Variants in FBXO16 observed in about 807,000 individuals in gnomAD.
FBXO16 encodes F-box only protein 16.
In FBXO16, 31 loss-of-function variants were observed where a neutral mutation model predicts 41.0. That is an observed-to-expected ratio of 0.76 (90% CI 0.57 to 1.02). The LOEUF (loss-of-function observed/expected upper bound fraction) is 1.02. Ranked by LOEUF, FBXO16 falls within the 50% of genes least tolerant of loss-of-function variation. The pLI, the probability that FBXO16 is intolerant of heterozygous loss-of-function variation, is 0.00. For missense variants in FBXO16, 361 were observed against 346.2 expected (o/e 1.04, Z -0.34); for synonymous variants, 133 against 117.8 (o/e 1.13, Z -0.84).
intron 4 of FBXO16, among the ~76,000 whole-genome samples, chr8:28,460,728 G>A (rs978933412): frequency 1.3e-5 from 2 of 151,578 alleles, no homozygotes; most frequent in Non-Finnish European, 2.9e-5. Flanking sequence ...GCGCCTGGCC[G>A]ACCTGACTAA....
intron 1 of FBXO16, among the ~76,000 whole-genome samples, chr8:28,489,126 G>T (rs1463648757): frequency 3.3e-5 from 5 of 152,158 alleles, no homozygotes; most frequent in Non-Finnish European, 7.3e-5. Flanking sequence ...GAGCTCAGGA[G>T]TTCAAGACCA....
intron 7 of FBXO16, among the ~76,000 whole-genome samples, chr8:28,431,001 T>C (rs1802597502): frequency 6.6e-6 from 1 of 152,110 alleles, no homozygotes; most frequent in African/African-American, 2.4e-5. Context: ...AATAAAATAA[T>C]ACCTGTTAAA....
At chr8:28,459,418 G>C (rs1475406917) in intron 4 of FBXO16, among the ~76,000 whole-genome samples, 1 of 151,950 alleles carries the variant, frequency 6.6e-6, no homozygotes, top group African/African-American at 2.4e-5. Context: ...AGGAGTTCCA[G>C]ACCTGTCTGG....
intron 3 of FBXO16, among the ~76,000 whole-genome samples, chr8:28,467,244 C>T (rs1186355907): frequency 2.0e-5 from 3 of 152,024 alleles, no homozygotes; most frequent in African/African-American, 7.2e-5. Context: ...ACTCAAAATG[C>T]CTAATAGTAG....
chr8:28,462,555 G>A (rs556074221), intron 4 of FBXO16, among the ~76,000 whole-genome samples: 9 of 152,242 alleles, frequency 5.9e-5, no homozygotes, highest in Admixed American at 3.9e-4. Context: ...TGGGATTACA[G>A]GCGTGAGCCA....
At chr8:28,441,864 ATGTG>A (rs985376619) in intron 7 of FBXO16, among the ~76,000 whole-genome samples, 1 of 146,122 alleles carries the variant, frequency 6.8e-6, no homozygotes, top group African/African-American at 2.6e-5. Flanking sequence ...GTGTATATAT[ATGTG>A]TGTTTATATA....
intron 3 of FBXO16, among the ~76,000 whole-genome samples, chr8:28,471,231 C>T (rs1340608827): frequency 9.9e-5 from 15 of 152,104 alleles, no homozygotes; most frequent in Admixed American, 4.6e-4. Context: ...AAAATACTTC[C>T]GGACTGTCTA....
intron 2 of FBXO16, 43 bp downstream of exon 2, chr8:28,483,305 T>C (rs375006428): frequency 2.1e-5 from 32 of 1,512,756 alleles, no homozygotes; most frequent in Non-Finnish European, 2.9e-5. Context: ...CTTTTTTCCT[T>C]TCAGTCATGG....
Position 28,443,585 on chromosome 8 carries a change from C to A in FBXO16, c.843+3586G>T, listed in dbSNP as rs150874567. Among the ~76,000 whole-genome samples, 19 of 152,230 alleles carry A rather than the reference C, an allele frequency of 1.2e-4. No individual in the cohort carries two copies. The East Asian group carries it at 3.7e-3, about 29-fold the overall frequency. ...TAAACCTGTCCAAATGATGGGGGAA[C>A]TTTCTGTCAGAGGTGTTTGAACCAG... On this transcript the variant is annotated intron_variant, in intron 7 of 8. Transcript: ENST00000380254.
chr8:28,432,030 G>A (rs1001111149), intron 7 of FBXO16, among the ~76,000 whole-genome samples: 3 of 151,730 alleles, frequency 2.0e-5, no homozygotes, highest in Non-Finnish European at 2.9e-5. Context: ...GACATAAAAC[G>A]CAAATGTACT....
chr8:28,463,772 A>T lies in FBXO16; in HGVS notation c.182T>A (p.Leu61Gln), dbSNP rs1428990325. 3 of 1,614,124 alleles carry T rather than the reference A, an allele frequency of 1.9e-6. No individual in the cohort carries two copies. Among genetic ancestry groups the T allele is most frequent in the Middle Eastern group, 1.7e-4 (1 of 6,058 alleles). ...CTGGGACAGCGAGCAGCGCTCCAACAGGCCTGTGAGGATTCTTCTTCTTTG... is the reference window on the plus strand; with the variant it reads ...CTGGGACAGCGAGCAGCGCTCCAACTGGCCTGTGAGGATTCTTCTTCTTTG... ...DSQRRRILTG[L>Q]LERCSLSQQK... Residue 61 changes from leucine (L) to glutamine (Q), a missense_variant, in exon 4 of 9, where the codon CTG (leucine) becomes CAG (glutamine). Transcript: ENST00000380254.
intron 3 of FBXO16, among the ~76,000 whole-genome samples, chr8:28,469,731 T>C (rs1470490261): frequency 6.7e-6 from 1 of 148,432 alleles, no homozygotes; most frequent in African/African-American, 2.5e-5. Context: ...TGAAACTCTG[T>C]CTCTACTAAA....
intron 2 of FBXO16, among the ~76,000 whole-genome samples, chr8:28,480,087 G>A (rs1441816826): frequency 6.6e-6 from 1 of 152,028 alleles, no homozygotes; most frequent in African/African-American, 2.4e-5. Flanking sequence ...GATGAAGGCT[G>A]AATCTGTCTC....
rs1344890328 is a variant in FBXO16 at position 28,452,104 on chromosome 8, TG to T, written c.740+139del. 5.4e-6 allele frequency: 4 copies of T among 742,020 alleles called. No homozygotes were observed. The Admixed American group carries it at 1.2e-4, about 22-fold the overall frequency. 46.0% of individuals were successfully genotyped at this position (742,020 alleles called of 1,614,324 possible). On this transcript the variant is annotated intron_variant, in intron 6 of 8. Coordinates refer to ENST00000380254, the MANE Select transcript of FBXO16 (RefSeq NM_172366.4). ...AATTTGCTAGTAATGGTCAGTATCCTGCTCTATTACTTTTTGCTTCTATGTA... is the reference window on the plus strand; with the variant it reads ...AATTTGCTAGTAATGGTCAGTATCCTCTCTATTACTTTTTGCTTCTATGTA...
chr8:28,468,456 A>G (rs1367482634), intron 3 of FBXO16, among the ~76,000 whole-genome samples: 1 of 152,162 alleles, frequency 6.6e-6, no homozygotes, highest in Non-Finnish European at 1.5e-5. Context: ...TATTGGTTAT[A>G]CGATCTCTTC....
At chr8:28,465,402 C>T (rs1177032527) in intron 3 of FBXO16, 3 of 451,358 alleles carry the variant, frequency 6.6e-6, no homozygotes, top group Admixed American at 2.4e-5. Flanking sequence ...GCAGGAGAAT[C>T]TCTTGAGCCC....
intron 8 of FBXO16, 119 bp downstream of exon 8, chr8:28,429,259 C>T (rs1802572193): frequency 1.8e-6 from 2 of 1,120,030 alleles, no homozygotes; most frequent in African/African-American, 1.5e-5. Context: ...CTGAGATTAT[C>T]AGCGTGAGCC....
chr8:28,441,904 A>ATGTGTG (rs1277525159), intron 7 of FBXO16, among the ~76,000 whole-genome samples: 46 of 117,632 alleles, frequency 3.9e-4, no homozygotes, highest in African/African-American at 2.3e-3. Flanking sequence ...CACAGTGTAT[A>ATGTGTG]TATATATGTG....
chr8:28,476,237 G>A (rs1585918583), intron 2 of FBXO16, among the ~76,000 whole-genome samples: 3 of 152,158 alleles, frequency 2.0e-5, no homozygotes, highest in Non-Finnish European at 2.9e-5. Context: ...GAAGTGCTAC[G>A]CAGGTTAAAA....
Sources: allele counts gnomAD v4.1 joint callset (sites outside exome capture counted in the v4.1 genomes callset), GRCh38; gene constraint gnomAD v4.1.1; transcripts MANE v1.5; gene names NCBI Gene and HGNC (gene_info 2026-07-23, HGNC 2026-07-21).